Variants in MTMR9 observed in about 807,000 individuals in gnomAD.
MTMR9 encodes the protein myotubularin related protein 9, also known as myotubularin-related protein 9.
MTMR9 carries 39 observed loss-of-function variants against 69.5 expected under a neutral mutation model. The ratio of observed to expected loss-of-function variants is 0.56; its 90% CI spans 0.43 to 0.73. The LOEUF (loss-of-function observed/expected upper bound fraction) is 0.73, where lower values mean the gene tolerates loss of function less well. Ranked by LOEUF, MTMR9 falls within the 30% of genes least tolerant of loss-of-function variation. The pLI is 0.00. For missense variants in MTMR9, 900 were observed against 671.2 expected (o/e 1.34, Z -3.77); for synonymous variants, 354 against 240.8 (o/e 1.47, Z -4.35).
rs1799890600 is a variant in MTMR9, at chr8:11,305,096, T to A, written c.591+82T>A. On this transcript the variant is annotated intron_variant, in intron 4 of 9. Coordinates refer to ENST00000221086, the MANE Select transcript of MTMR9 (RefSeq NM_015458.4). ...CGTAGAAATGTTCCCTTTTGCTCTC[T>A]GTCTGTTCACTGAAATGATTGTCCA... 3.0e-6 allele frequency: 4 copies of A among 1,336,398 alleles called. No individual in the cohort carries two copies. In the East Asian group the frequency reaches 9.8e-5, roughly 33 times the overall value. The allele number at this position is 1,336,398 out of a possible 1,614,324, so 82.8% of individuals were successfully genotyped here.
At position 11,319,465 on chromosome 8, in the gene MTMR9, T is replaced by C. The variant is rs1800570008; in HGVS notation, c.1335-222T>C. ...CTGTTTTTATCCTCCTGCCAGCTTC[T>C]TGGAAGCCTGTAAAATACTCTTTGT... is the stretch of plus-strand genomic sequence containing the variant. On this transcript the variant is annotated intron_variant, in intron 8 of 9. Coordinates refer to ENST00000221086, the MANE Select transcript of MTMR9 (RefSeq NM_015458.4). 16 of 526,316 alleles carry C rather than the reference T, an allele frequency of 3.0e-5. No homozygotes were observed. In the South Asian group the frequency reaches 3.7e-4, roughly 12 times the overall value. The allele number at this position is 526,316 out of a possible 1,614,324, so 32.6% of individuals were successfully genotyped here.
chr8:11,301,014 G>T (rs1261786666), intron 3 of MTMR9, among the ~76,000 whole-genome samples: 2 of 152,182 alleles, frequency 1.3e-5, no homozygotes, highest in Non-Finnish European at 2.9e-5. Flanking sequence ...TGAGACATCA[G>T]TGAATGGGTG....
In MTMR9 at chr8:11,327,253, A is replaced by G. The variant is rs949750091; in HGVS notation, c.*4465A>G. 6.6e-6 allele frequency: 1 copy of G among 152,208 alleles called. No individual in the cohort carries two copies. 9.4% of individuals were successfully genotyped at this position (152,208 alleles called of 1,614,324 possible). On this transcript the variant is annotated 3_prime_UTR_variant, in exon 10 of 10. Transcript: ENST00000221086. ...AACTTAATGTTCCAGCTCTTGAACT[A>G]CACTGTGGAACAGTAATTTGTGCCC...
chr8:11,328,369 G>T (rs1449603805), downstream of MTMR9, among the ~76,000 whole-genome samples: 6 of 150,344 alleles, frequency 4.0e-5, no homozygotes, highest in African/African-American at 1.2e-4. Context: ...GTGTGTGTGT[G>T]TGTTTGTTAC....
At chr8:11,330,888 G>A (rs1438764771), downstream of MTMR9, 9 of 999,798 alleles carry the variant, frequency 9.0e-6, 1 homozygote, top group Admixed American at 2.3e-4. Flanking sequence ...ATCCCCCTCT[G>A]CGAGAAACAC....
In MTMR9 at chr8:11,327,001, C is replaced by T. The variant is rs1800965214; in HGVS notation, c.*4213C>T. 1 of 150,596 alleles carries T rather than the reference C, an allele frequency of 6.6e-6. No homozygotes were observed. Among genetic ancestry groups the T allele is most frequent in the Non-Finnish European group, 1.5e-5 (1 of 67,742 alleles). The allele number at this position is 150,596 out of a possible 1,614,324, so 9.3% of individuals were successfully genotyped here. ...AAAAAAAAAAAAAGACTCATTTATC[C>T]ATTTACATTTATTCTCAGATGATAA... On this transcript the variant is annotated 3_prime_UTR_variant, in exon 10 of 10. Transcript: ENST00000221086.
At chr8:11,304,515 C>G (rs1291773063) in intron 3 of MTMR9, among the ~76,000 whole-genome samples, 1 of 152,144 alleles carries the variant, frequency 6.6e-6, no homozygotes, top group Non-Finnish European at 1.5e-5. Flanking sequence ...TGATGGGATA[C>G]CGTGTAAAAT....
At chr8:11,288,877 A>G (rs987046279) in intron 1 of MTMR9, among the ~76,000 whole-genome samples, 21 of 152,220 alleles carry the variant, frequency 1.4e-4, no homozygotes, top group African/African-American at 4.8e-4. Flanking sequence ...TAGTTCACAT[A>G]AAAGATGATG....
chr8:11,302,163 GA>G (rs1220643147), intron 3 of MTMR9, among the ~76,000 whole-genome samples: 1 of 145,766 alleles, frequency 6.9e-6, no homozygotes, highest in Non-Finnish European at 1.5e-5. Flanking sequence ...TGAGGTGGGA[GA>G]ATGGCTTGAG....
intron 1 of MTMR9, among the ~76,000 whole-genome samples, chr8:11,288,164 T>G (rs1332416838): frequency 7.5e-6 from 1 of 134,162 alleles, no homozygotes; most frequent in African/African-American, 2.8e-5. Flanking sequence ...AATAGGTGAA[T>G]AATTATTTAT....
chr8:11,329,515 T>C (rs906362104), downstream of MTMR9, among the ~76,000 whole-genome samples: 1 of 152,266 alleles, frequency 6.6e-6, no homozygotes, highest in Non-Finnish European at 1.5e-5. Context: ...AGGGTTTCGC[T>C]GTGTTGGCCG....
At chr8:11,303,365 T>G (rs947027222) in intron 3 of MTMR9, among the ~76,000 whole-genome samples, 1 of 151,568 alleles carries the variant, frequency 6.6e-6, no homozygotes, top group African/African-American at 2.4e-5. Context: ...GTTCAAGAAA[T>G]AACAGTATTA....
rs1800818948 is a variant in MTMR9 at position 11,324,164 on chromosome 8, G to A, written c.*1376G>A. On this transcript the variant is annotated 3_prime_UTR_variant, in exon 10 of 10. Coordinates refer to ENST00000221086, the MANE Select transcript of MTMR9 (RefSeq NM_015458.4). ...TAGAGAACACACTACACTGAACCCT[G>A]CTTTAGAGCTGTGTGTTGAGCTAAA... is the stretch of plus-strand genomic sequence containing the variant. The A allele has an allele frequency of 6.6e-6, 1 of 152,158 alleles. No individual in the cohort carries two copies. Among genetic ancestry groups the A allele is most frequent in the Admixed American group, 6.6e-5 (1 of 15,264 alleles). The allele number at this position is 152,158 out of a possible 1,614,324, so 9.4% of individuals were successfully genotyped here. A position where few individuals can be genotyped will look rare whatever the true frequency, so the allele number is the denominator to read the frequency against.
At chr8:11,293,622 C>T (rs1390739325) in intron 1 of MTMR9, among the ~76,000 whole-genome samples, 1 of 152,092 alleles carries the variant, frequency 6.6e-6, no homozygotes, top group Admixed American at 6.5e-5. Flanking sequence ...TCTAAGAAAC[C>T]ATTGCCTCAC....
intron 3 of MTMR9, among the ~76,000 whole-genome samples, chr8:11,302,700 A>G (rs1799793370): frequency 6.6e-6 from 1 of 152,224 alleles, no homozygotes; most frequent in African/African-American, 2.4e-5. Context: ...ACTTCTAGTC[A>G]GCTCAATAAG....
At chr8:11,303,719 A>T (rs1263001793) in intron 3 of MTMR9, among the ~76,000 whole-genome samples, 2 of 152,120 alleles carry the variant, frequency 1.3e-5, no homozygotes, top group African/African-American at 2.4e-5. Flanking sequence ...TTTTTAGTGG[A>T]TATGGGGTTT....
At chr8:11,307,439 C>G (rs1483972426) in intron 5 of MTMR9, among the ~76,000 whole-genome samples, 1 of 152,146 alleles carries the variant, frequency 6.6e-6, no homozygotes, top group Non-Finnish European at 1.5e-5. Flanking sequence ...ATCCATTCAT[C>G]CATTGACGTG....
intron 1 of MTMR9, among the ~76,000 whole-genome samples, chr8:11,286,867 G>C (rs1053261255): frequency 6.6e-6 from 1 of 152,012 alleles, no homozygotes; most frequent in Non-Finnish European, 1.5e-5. Context: ...ACTGGTGCTG[G>C]TATATGTCCT....
At chr8:11,336,249 A>G in the MTMR9 span, among the ~76,000 whole-genome samples, 3 of 152,172 alleles carry the variant, frequency 2.0e-5, no homozygotes, top group African/African-American at 7.2e-5. Flanking sequence ...GAGGAAGTCC[A>G]TGTTGCTGAG....
Sources: gnomAD v4.1 joint callset for allele counts (sites outside exome capture counted in the v4.1 genomes callset) on GRCh38, gnomAD v4.1.1 for gene constraint, MANE v1.5 for transcripts, NCBI Gene and HGNC (gene_info 2026-07-23, HGNC 2026-07-21) for gene names.